The following KCNK2 variants were observed in gnomAD, a reference collection of about 807,000 sequenced individuals.
KCNK2 encodes potassium two pore domain channel subfamily K member 2.
In KCNK2, 21 loss-of-function variants were observed where a neutral mutation model predicts 40.5. The ratio of observed to expected loss-of-function variants is 0.52; its 90% confidence interval spans 0.37 to 0.75. The LOEUF (loss-of-function observed/expected upper bound fraction) is 0.75, where lower values mean the gene tolerates loss of function less well. KCNK2 is among the 30% of genes least tolerant of loss of function. KCNK2 has a pLI of 0.00. For synonymous variants in KCNK2, 191 were observed against 202.2 expected, an observed-to-expected ratio of 0.94 and a Z score of 0.47; for missense variants, 399 against 531.6, an observed-to-expected ratio of 0.75 and a Z score of 2.45.
At chr1:215,174,624 GT>G (rs1169518969) in intron 5 of KCNK2, among the ~76,000 whole-genome samples, 4 of 152,232 alleles carry the variant, frequency 2.6e-5, no homozygotes, top group African/African-American at 9.6e-5. Context: ...TCTTCCATTT[GT>G]TTGCATCCTC....
chr1:215,191,199 C>T (rs1040453734), intron 5 of KCNK2, among the ~76,000 whole-genome samples: 2 of 151,156 alleles, frequency 1.3e-5, no homozygotes. Context: ...GCAGGAGAAT[C>T]GCTTGAATAC....
intron 1 of KCNK2, among the ~76,000 whole-genome samples, chr1:215,056,615 CTTT>C (rs34925678): frequency 2.9e-5 from 3 of 103,982 alleles, no homozygotes; most frequent in Admixed American, 1.3e-4. Context: ...TGTGTCCACT[CTTT>C]TTTTTTTTTT....
chr1:215,067,116 C>T (rs1231913442), intron 1 of KCNK2, among the ~76,000 whole-genome samples: 1 of 152,036 alleles, frequency 6.6e-6, no homozygotes, highest in African/African-American at 2.4e-5. Flanking sequence ...TGTTTTTCCT[C>T]AAAAGGAGGA....
chr1:215,159,008 C>T (rs1663071569), intron 3 of KCNK2, among the ~76,000 whole-genome samples: 1 of 152,122 alleles, frequency 6.6e-6, no homozygotes, highest in African/African-American at 2.4e-5. Context: ...GGTTCACCCT[C>T]CCAAGTAGGT....
At chr1:215,048,574 TA>T (rs1226292747) in intron 1 of KCNK2, among the ~76,000 whole-genome samples, 1 of 152,218 alleles carries the variant, frequency 6.6e-6, no homozygotes, top group Non-Finnish European at 1.5e-5. Flanking sequence ...TTCTGTTTTT[TA>T]AAAAGGCTTG....
At chr1:215,122,412 C>A (rs1280102236) in intron 2 of KCNK2, among the ~76,000 whole-genome samples, 1 of 151,870 alleles carries the variant, frequency 6.6e-6, no homozygotes, top group African/African-American at 2.4e-5. Flanking sequence ...GAAGGGAAAC[C>A]TGCCTTATCT....
At chr1:215,096,497 G>A (rs1224548318) in intron 2 of KCNK2, among the ~76,000 whole-genome samples, 1 of 151,910 alleles carries the variant, frequency 6.6e-6, no homozygotes, top group Non-Finnish European at 1.5e-5. Flanking sequence ...AGGCAGCAAA[G>A]AATTTTCTAA....
At chr1:215,150,970 A>G (rs946926837) in intron 3 of KCNK2, among the ~76,000 whole-genome samples, 1 of 152,056 alleles carries the variant, frequency 6.6e-6, no homozygotes, top group Non-Finnish European at 1.5e-5. Flanking sequence ...GTAATATTGA[A>G]TATGATATTA....
At chr1:215,099,702 C>A (rs1215659753) in intron 2 of KCNK2, among the ~76,000 whole-genome samples, 1 of 151,874 alleles carries the variant, frequency 6.6e-6, no homozygotes, top group African/African-American at 2.4e-5. Context: ...TAAGGTGAAG[C>A]ACATTTTAAG....
intron 6 of KCNK2, among the ~76,000 whole-genome samples, chr1:215,212,008 C>G (rs186728231): frequency 6.6e-6 from 1 of 151,850 alleles, no homozygotes; most frequent in Non-Finnish European, 1.5e-5. Context: ...AGTAGCTTGG[C>G]AAATAAGCTA....
At chr1:215,220,236 C>T (rs561790133) in intron 6 of KCNK2, among the ~76,000 whole-genome samples, 1 of 152,084 alleles carries the variant, frequency 6.6e-6, no homozygotes, top group Non-Finnish European at 1.5e-5. Flanking sequence ...TTCTGGTTTT[C>T]TGCTTTTTTA....
chr1:215,097,005 G>C (rs1476692296), intron 2 of KCNK2, among the ~76,000 whole-genome samples: 2 of 151,850 alleles, frequency 1.3e-5, no homozygotes, highest in Non-Finnish European at 2.9e-5. Flanking sequence ...CAGCATCTAA[G>C]TGGGATCTGC....
chr1:215,092,600 C>G (rs1160202959), intron 2 of KCNK2, among the ~76,000 whole-genome samples: 1 of 152,136 alleles, frequency 6.6e-6, no homozygotes, highest in African/African-American at 2.4e-5. Context: ...CATACCAGGA[C>G]ACTCCTCTCT....
At chr1:215,056,378 A>G (rs1571874112) in intron 1 of KCNK2, among the ~76,000 whole-genome samples, 3 of 150,954 alleles carry the variant, frequency 2.0e-5, no homozygotes, top group African/African-American at 7.3e-5. Flanking sequence ...TAAAAATAAA[A>G]GAAAACTAGA....
At chr1:215,143,074 G>A (rs981829613) in intron 3 of KCNK2, among the ~76,000 whole-genome samples, 3 of 152,104 alleles carry the variant, frequency 2.0e-5, no homozygotes, top group African/African-American at 7.2e-5. Context: ...ACTAAGGTGC[G>A]AAGACGAAGT....
chr1:215,131,235 A>G (rs1227156539), intron 3 of KCNK2, among the ~76,000 whole-genome samples: 1 of 151,344 alleles, frequency 6.6e-6, no homozygotes, highest in Non-Finnish European at 1.5e-5. Flanking sequence ...AAAATGACGT[A>G]TGGACAACTG....
At chr1:215,025,987 C>T (rs1303182821) in intron 1 of KCNK2, among the ~76,000 whole-genome samples, 1 of 152,008 alleles carries the variant, frequency 6.6e-6, no homozygotes, top group African/African-American at 2.4e-5. Flanking sequence ...GTAGAACATG[C>T]TTTGTTCCAC....
At chr1:215,180,635 T>C (rs1664184817) in intron 5 of KCNK2, among the ~76,000 whole-genome samples, 1 of 152,176 alleles carries the variant, frequency 6.6e-6, no homozygotes, top group African/African-American at 2.4e-5. Context: ...GTTGGTGGAA[T>C]ATAAAATTAC....
intron 3 of KCNK2, among the ~76,000 whole-genome samples, chr1:215,137,248 A>T (rs1661964711): frequency 6.6e-6 from 1 of 152,242 alleles, no homozygotes; most frequent in Non-Finnish European, 1.5e-5. Context: ...TGATAAAAAC[A>T]TTCAAACTAT....
Sources: allele counts gnomAD v4.1 joint callset (sites outside exome capture counted in the v4.1 genomes callset), GRCh38; gene constraint gnomAD v4.1.1; transcripts MANE v1.5; gene names NCBI Gene and HGNC (gene_info 2026-07-23, HGNC 2026-07-21).